MAGI2: variants seen among roughly 807,000 people sequenced by gnomAD.
MAGI2 encodes membrane associated guanylate kinase, WW and PDZ domain containing 2.
Under a neutral mutation model 133.3 loss-of-function variants are expected in MAGI2, and 35 were observed. That is an observed-to-expected ratio of 0.26 (90% confidence interval 0.20 to 0.35). MAGI2 has a LOEUF of 0.35. MAGI2 is among the 10% of genes least tolerant of loss of function. MAGI2 has a pLI of 1.00. For missense variants in MAGI2, 1,636 were observed against 1,863.4 expected, an observed-to-expected ratio of 0.88 and a Z score of 2.25; for synonymous variants, 729 against 710.6, an observed-to-expected ratio of 1.03 and a Z score of -0.41.
At chr7:78,710,194 A>C (rs1819042207) in intron 2 of MAGI2, among the ~76,000 whole-genome samples, 1 of 152,082 alleles carries the variant, frequency 6.6e-6, no homozygotes, top group African/African-American at 2.4e-5. Flanking sequence ...AAGATTACAC[A>C]CATTCTACTA....
intron 20 of MAGI2, among the ~76,000 whole-genome samples, chr7:78,086,603 G>T (rs975477532): frequency 6.6e-6 from 1 of 150,702 alleles, no homozygotes; most frequent in Non-Finnish European, 1.5e-5. Flanking sequence ...CTAGCTCTAT[G>T]CATGCTCTCT....
intron 1 of MAGI2, among the ~76,000 whole-genome samples, chr7:79,052,808 A>T (rs1178953743): frequency 2.0e-5 from 3 of 152,190 alleles, no homozygotes; most frequent in African/African-American, 7.2e-5. Flanking sequence ...AATATAGCAC[A>T]TGATTAATAC....
At chr7:78,542,953 G>C (rs1014065418) in intron 3 of MAGI2, among the ~76,000 whole-genome samples, 2 of 152,208 alleles carry the variant, frequency 1.3e-5, no homozygotes, top group Admixed American at 6.5e-5. Flanking sequence ...GTGTATGTGA[G>C]AGATTCACAA....
chr7:79,281,567 A>G (rs1362690017), intron 1 of MAGI2, among the ~76,000 whole-genome samples: 1 of 152,306 alleles, frequency 6.6e-6, no homozygotes, highest in Middle Eastern at 3.4e-3. Flanking sequence ...AGTCTGCAAT[A>G]CTACAAAAAA....
intron 10 of MAGI2, among the ~76,000 whole-genome samples, chr7:78,219,378 A>G (rs111256431): frequency 0.011 from 1,685 of 152,290 alleles, 23 homozygotes; most frequent in African/African-American, 0.037. Flanking sequence ...AGCACTGTCT[A>G]TCTGGACAGC....
intron 21 of MAGI2, among the ~76,000 whole-genome samples, chr7:78,064,942 CAG>C (rs1813661410): frequency 6.6e-6 from 1 of 152,066 alleles, no homozygotes; most frequent in African/African-American, 2.4e-5. Flanking sequence ...CCTTTTGAAA[CAG>C]TAGCGAATAC....
At chr7:78,255,341 G>A (rs1383640522) in intron 10 of MAGI2, 2 of 157,088 alleles carry the variant, frequency 1.3e-5, no homozygotes, top group East Asian at 1.9e-4. Flanking sequence ...ATCATGGGAG[G>A]CACTATGGGT....
At position 78,391,538 on chromosome 7, in the gene MAGI2, A is replaced by AT. The variant is rs371682083; in HGVS notation, c.1046-22326dup. Among the ~76,000 whole-genome samples, 73 of 152,234 alleles carry AT rather than the reference A, an allele frequency of 4.8e-4. No homozygotes were observed. The South Asian group carries it at 5.6e-3, about 12-fold the overall frequency. On this transcript the variant is annotated intron_variant, in intron 6 of 21. Coordinates refer to ENST00000354212, the MANE Select transcript of MAGI2 (RefSeq NM_012301.4). ...AACTTTGTGTGAGGAATAGGCATCTATTTTTTTACTTAATTTACAAAAGAC... is the reference window on the plus strand; with the variant it reads ...AACTTTGTGTGAGGAATAGGCATCTATTTTTTTTACTTAATTTACAAAAGAC...
At chr7:78,340,112 C>T (rs1790201968) in intron 9 of MAGI2, among the ~76,000 whole-genome samples, 1 of 151,998 alleles carries the variant, frequency 6.6e-6, no homozygotes, top group Non-Finnish European at 1.5e-5. Flanking sequence ...ACTTTTTCTC[C>T]AAAGGAATTC....
chr7:78,054,746 A>C (rs548847636), intron 21 of MAGI2, among the ~76,000 whole-genome samples: 1 of 151,712 alleles, frequency 6.6e-6, no homozygotes, highest in African/African-American at 2.4e-5. Flanking sequence ...TGCAGCCTCA[A>C]CCTTGTGGGC....
intron 7 of MAGI2, among the ~76,000 whole-genome samples, chr7:78,364,000 T>C (rs1793113553): frequency 6.6e-6 from 1 of 151,854 alleles, no homozygotes; most frequent in Admixed American, 6.6e-5. Flanking sequence ...CCCCTCCCCT[T>C]CCTCATTTCT....
At chr7:78,086,641 A>AT (rs368254308) in intron 20 of MAGI2, among the ~76,000 whole-genome samples, 54,118 of 116,062 alleles carry the variant, frequency 0.47, 10,453 homozygotes, top group Non-Finnish European at 0.52. Context: ...TATTATTATT[A>AT]TTTTTTTTTT....
At chr7:78,367,728 C>T (rs924534505) in intron 7 of MAGI2, among the ~76,000 whole-genome samples, 3 of 152,078 alleles carry the variant, frequency 2.0e-5, no homozygotes, top group African/African-American at 4.8e-5. Flanking sequence ...CCTTGAATAT[C>T]GGATGTAGTA....
At chr7:78,195,218 T>C (rs1484845900) in intron 11 of MAGI2, among the ~76,000 whole-genome samples, 155 bp from the exon 12 acceptor site, 1 of 152,226 alleles carries the variant, frequency 6.6e-6, no homozygotes, top group African/African-American at 2.4e-5. Context: ...AGATTTTATG[T>C]CTATGTAAGA....
At chr7:79,045,480 A>C (rs1432386831) in intron 1 of MAGI2, among the ~76,000 whole-genome samples, 1 of 152,218 alleles carries the variant, frequency 6.6e-6, no homozygotes, top group Non-Finnish European at 1.5e-5. Flanking sequence ...GTTTTAACTA[A>C]GTGTATGCTG....
chr7:78,578,421 A>C (rs319877), intron 3 of MAGI2, among the ~76,000 whole-genome samples: 2,985 of 152,276 alleles, frequency 0.02, 37 homozygotes, highest in Non-Finnish European at 0.032. Context: ...GTGGACAGGG[A>C]AAATGGGTGC....
At chr7:78,378,077 T>C (rs1475479627) in intron 6 of MAGI2, among the ~76,000 whole-genome samples, 2 of 151,956 alleles carry the variant, frequency 1.3e-5, no homozygotes, top group African/African-American at 2.4e-5. Flanking sequence ...TAGTAAAAGA[T>C]AGTTGACAAA....
At chr7:78,724,771 G>T (rs1477771697) in intron 2 of MAGI2, among the ~76,000 whole-genome samples, 1 of 150,950 alleles carries the variant, frequency 6.6e-6, no homozygotes, top group Non-Finnish European at 1.5e-5. Context: ...CTGGTCCAAG[G>T]CTAGACCACC....
chr7:78,849,608 A>G (rs1792955711), intron 2 of MAGI2, among the ~76,000 whole-genome samples: 1 of 152,094 alleles, frequency 6.6e-6, no homozygotes, highest in Non-Finnish European at 1.5e-5. Context: ...CAGGTGTGTC[A>G]TACTAGAGAG....
Sources: allele counts gnomAD v4.1 joint callset (sites outside exome capture counted in the v4.1 genomes callset), GRCh38; gene constraint gnomAD v4.1.1; transcripts MANE v1.5; gene names NCBI Gene and HGNC (gene_info 2026-07-23, HGNC 2026-07-21).